The following NALF1 variants were observed in gnomAD, a reference collection of about 807,000 sequenced individuals.
The protein encoded by NALF1 is family with sequence similarity 155 member A.
A neutral mutation model predicts 48.4 loss-of-function variants in NALF1; 3 were observed. The observed-to-expected ratio is 0.06, with a 90% confidence interval of 0.03 to 0.16. The LOEUF (loss-of-function observed/expected upper bound fraction) is 0.16. Among genes scored for constraint, NALF1 ranks in the 10% least tolerant of loss-of-function variants. The pLI is 1.00. For synonymous variants in NALF1, 262 were observed against 245.7 expected (o/e 1.07, Z -0.62); for missense variants, 526 against 571.5 (o/e 0.92, Z 0.81).
intron 1 of NALF1, among the ~76,000 whole-genome samples, chr13:107,493,964 T>A (rs772892021): frequency 6.6e-6 from 1 of 152,138 alleles, no homozygotes; most frequent in Non-Finnish European, 1.5e-5. Flanking sequence ...GAGAAAACGA[T>A]GGTCTGTGCA....
At chr13:107,464,982 T>C (rs1169911950) in intron 1 of NALF1, among the ~76,000 whole-genome samples, 3 of 151,628 alleles carry the variant, frequency 2.0e-5, no homozygotes, top group Non-Finnish European at 4.4e-5. Flanking sequence ...TATTTATTCA[T>C]TTATTCATTT....
intron 1 of NALF1, among the ~76,000 whole-genome samples, chr13:107,464,712 T>C (rs1372210331): frequency 6.6e-6 from 1 of 151,758 alleles, no homozygotes; most frequent in African/African-American, 2.4e-5. Flanking sequence ...TAGAGACAGG[T>C]TTTCTCCATG....
intron 1 of NALF1, among the ~76,000 whole-genome samples, chr13:107,494,573 A>G (rs1875261976): frequency 6.6e-6 from 1 of 152,218 alleles, no homozygotes; most frequent in South Asian, 2.1e-4. Flanking sequence ...TGGATCATTC[A>G]TTGCTGCATA....
At chr13:107,659,857 C>T (rs1442926401) in intron 1 of NALF1, among the ~76,000 whole-genome samples, 1 of 150,984 alleles carries the variant, frequency 6.6e-6, no homozygotes, top group Non-Finnish European at 1.5e-5. Flanking sequence ...GTTGCCCAGG[C>T]TGGAGTGCAG....
chr13:107,380,382 C>T lies in NALF1; in HGVS notation c.916-169627G>A, dbSNP rs558703182. Among the ~76,000 whole-genome samples, 11 of 152,210 alleles carry T rather than the reference C, an allele frequency of 7.2e-5. 1 individual carries two copies. In the South Asian group the frequency reaches 2.1e-3, roughly 29 times the overall value. ...TTTATATACAAATTGTCTTGAGAAA[C>T]TCTTGTATAAGGACAGAGAAAGAAG... On this transcript the variant is annotated intron_variant, in intron 1 of 2. Transcript: ENST00000375915.
At chr13:107,625,496 C>T (rs1879644918) in intron 1 of NALF1, among the ~76,000 whole-genome samples, 1 of 152,064 alleles carries the variant, frequency 6.6e-6, no homozygotes, top group African/African-American at 2.4e-5. Flanking sequence ...GATTTCCCAT[C>T]TTTCATGTCT....
chr13:107,315,910 T>A (rs1882139713), intron 1 of NALF1, among the ~76,000 whole-genome samples: 1 of 150,792 alleles, frequency 6.6e-6, no homozygotes, highest in Admixed American at 6.6e-5. Context: ...TTTATTTATT[T>A]ATTATACTTT....
chr13:107,585,549 T>C (rs1284648126), intron 1 of NALF1, among the ~76,000 whole-genome samples: 3 of 152,166 alleles, frequency 2.0e-5, no homozygotes, highest in Admixed American at 6.6e-5. Context: ...ATATGAAATA[T>C]TGGACAAAAT....
chr13:107,706,098 T>C (rs1167361290), intron 1 of NALF1, among the ~76,000 whole-genome samples: 4 of 152,194 alleles, frequency 2.6e-5, no homozygotes, highest in Non-Finnish European at 5.9e-5. Context: ...AAAGGCACAT[T>C]ATTCAGCTTA....
chr13:107,488,424 C>A (rs984693202), intron 1 of NALF1, among the ~76,000 whole-genome samples: 1 of 151,854 alleles, frequency 6.6e-6, no homozygotes, highest in Non-Finnish European at 1.5e-5. Flanking sequence ...TATACATCTC[C>A]CCCTTAATAC....
chr13:107,698,249 T>C (rs748911888), intron 1 of NALF1, among the ~76,000 whole-genome samples: 8 of 152,184 alleles, frequency 5.3e-5, no homozygotes, highest in Non-Finnish European at 1.2e-4. Flanking sequence ...TTTGGGCATA[T>C]GTAGTTCCCA....
intron 1 of NALF1, among the ~76,000 whole-genome samples, chr13:107,299,476 A>AAT (rs1193044497): frequency 9.9e-4 from 133 of 134,808 alleles, no homozygotes; most frequent in East Asian, 3.8e-3. Flanking sequence ...AATAATAAAT[A>AAT]AATAAATAAA....
intron 1 of NALF1, among the ~76,000 whole-genome samples, chr13:107,804,403 C>T: frequency 6.9e-6 from 1 of 144,122 alleles, no homozygotes; most frequent in East Asian, 1.9e-4. Context: ...AGCTCAGAGG[C>T]CATTTTTTTT....
chr13:107,516,443 C>G (rs1876056448), intron 1 of NALF1, among the ~76,000 whole-genome samples: 2 of 152,068 alleles, frequency 1.3e-5, no homozygotes, highest in African/African-American at 4.8e-5. Context: ...ATATAAGCAC[C>G]TACCATGAAA....
At chr13:107,623,708 AAC>A (rs374851865) in intron 1 of NALF1, among the ~76,000 whole-genome samples, 62 of 152,330 alleles carry the variant, frequency 4.1e-4, no homozygotes, top group African/African-American at 6.3e-4. Context: ...GTGCTCCCTC[AAC>A]ATCTCTCAAG....
At chr13:107,671,111 C>A (rs1351862387) in intron 1 of NALF1, among the ~76,000 whole-genome samples, 1 of 152,042 alleles carries the variant, frequency 6.6e-6, no homozygotes, top group African/African-American at 2.4e-5. Flanking sequence ...ATAAAATTTT[C>A]ACTCACATTT....
intron 1 of NALF1, chr13:107,466,331 T>C (rs761844170): frequency 5.9e-5 from 9 of 152,350 alleles, no homozygotes; most frequent in Non-Finnish European, 1.2e-4. Context: ...CTTAATTCTA[T>C]TGCATATCAG....
intron 1 of NALF1, among the ~76,000 whole-genome samples, chr13:107,583,129 T>TAA (rs1878360220): frequency 1.3e-5 from 2 of 152,122 alleles, no homozygotes; most frequent in South Asian, 4.1e-4. Context: ...CTGTCTCTTT[T>TAA]AGAGAGTCAG....
chr13:107,390,066 A>G (rs940449695), intron 1 of NALF1, among the ~76,000 whole-genome samples: 4 of 152,122 alleles, frequency 2.6e-5, no homozygotes, highest in Non-Finnish European at 5.9e-5. Context: ...TAGTAGTAAA[A>G]TATATTCACT....
Sources: allele counts gnomAD v4.1 joint callset (sites outside exome capture counted in the v4.1 genomes callset), GRCh38; gene constraint gnomAD v4.1.1; transcripts MANE v1.5; gene names NCBI Gene and HGNC (gene_info 2026-07-23, HGNC 2026-07-21).